RBFOX1: variants seen among roughly 807,000 people sequenced by gnomAD.
RBFOX1 encodes the protein RNA binding protein fox-1 homolog 1.
A neutral mutation model predicts 57.7 loss-of-function variants in RBFOX1; 8 were observed. That is an observed-to-expected ratio of 0.14 (90% confidence interval 0.08 to 0.25). RBFOX1 has a LOEUF of 0.25. Ranked by LOEUF, RBFOX1 falls within the 10% of genes least tolerant of loss-of-function variation. The probability of loss-of-function intolerance (pLI) is 1.00; values close to 1 mark genes in which losing one functional copy is unlikely to be tolerated. For synonymous variants in RBFOX1, 326 were observed against 222.4 expected (o/e 1.47, Z -4.15); for missense variants, 611 against 548.5 (o/e 1.11, Z -1.14).
At chr16:7,527,164 C>T (rs754387439) in intron 5 of RBFOX1, among the ~76,000 whole-genome samples, 6 of 152,172 alleles carry the variant, frequency 3.9e-5, no homozygotes, top group African/African-American at 1.2e-4. Flanking sequence ...AATACCAGTT[C>T]TATTTTCCTA....
At chr16:6,627,938 C>T (rs1029158576) in intron 2 of RBFOX1, among the ~76,000 whole-genome samples, 1 of 152,212 alleles carries the variant, frequency 6.6e-6, no homozygotes, top group Non-Finnish European at 1.5e-5. Context: ...TCAACTGTCT[C>T]CTGTTCAAGG....
At chr16:7,340,373 G>A (rs1426894807) in intron 4 of RBFOX1, among the ~76,000 whole-genome samples, 1 of 152,186 alleles carries the variant, frequency 6.6e-6, no homozygotes, top group East Asian at 1.9e-4. Context: ...ATATTTACTA[G>A]GTAGTTTTAT....
chr16:6,686,648 G>C (rs140608331), intron 3 of RBFOX1, among the ~76,000 whole-genome samples: 2 of 152,060 alleles, frequency 1.3e-5, no homozygotes, highest in Non-Finnish European at 2.9e-5. Context: ...ATCTCTCCTT[G>C]TCCTTTTGAG....
At chr16:5,333,586 C>A (rs182986012) in intron 1 of RBFOX1, among the ~76,000 whole-genome samples, 1 of 152,208 alleles carries the variant, frequency 6.6e-6, no homozygotes, top group African/African-American at 2.4e-5. Context: ...GAGCTTCTCT[C>A]CTGGAGGCAA....
chr16:6,591,448 T>C (rs1238215422), intron 2 of RBFOX1, among the ~76,000 whole-genome samples: 5 of 152,080 alleles, frequency 3.3e-5, no homozygotes, highest in Non-Finnish European at 7.4e-5. Context: ...AGTGAGACTC[T>C]GTCTCACAAA....
chr16:7,383,109 A>G (rs4627375), intron 4 of RBFOX1, among the ~76,000 whole-genome samples: 59,661 of 151,958 alleles, frequency 0.39, 12,930 homozygotes, highest in East Asian at 0.58. Context: ...TGATTCTAGC[A>G]GGTGTTCATG....
chr16:7,581,411 C>G (rs2093751959), intron 6 of RBFOX1, among the ~76,000 whole-genome samples: 1 of 152,094 alleles, frequency 6.6e-6, no homozygotes, highest in Non-Finnish European at 1.5e-5. Context: ...TTTGCCGTGT[C>G]AGGTTAGGAA....
chr16:7,292,732 C>A (rs1415481092), intron 4 of RBFOX1, among the ~76,000 whole-genome samples: 1 of 151,952 alleles, frequency 6.6e-6, no homozygotes, highest in South Asian at 2.1e-4. Context: ...CTTTTTCTTA[C>A]ATGTCACTCT....
intron 3 of RBFOX1, among the ~76,000 whole-genome samples, chr16:6,722,829 A>G (rs1257880063): frequency 1.3e-5 from 2 of 152,196 alleles, no homozygotes; most frequent in Non-Finnish European, 2.9e-5. Flanking sequence ...ATTGGCTGCA[A>G]TATTCATCAG....
At chr16:6,767,540 A>G (rs2077513157) in intron 3 of RBFOX1, among the ~76,000 whole-genome samples, 1 of 152,158 alleles carries the variant, frequency 6.6e-6, no homozygotes, top group African/African-American at 2.4e-5. Flanking sequence ...ACCCCCAAAA[A>G]AATTCTGATG....
At chr16:6,761,706 G>GTCTCTACT (rs1488702282) in intron 3 of RBFOX1, among the ~76,000 whole-genome samples, 23 of 151,174 alleles carry the variant, frequency 1.5e-4, no homozygotes, top group African/African-American at 5.6e-4. Flanking sequence ...GAGGTTTCAC[G>GTCTCTACT]AACTTGGCCA....
chr16:6,631,719 A>G (rs1442682320), intron 2 of RBFOX1, among the ~76,000 whole-genome samples: 1 of 152,180 alleles, frequency 6.6e-6, no homozygotes, highest in African/African-American at 2.4e-5. Flanking sequence ...GGCTGGGGGA[A>G]GAGCTCACTG....
At chr16:5,495,143 G>A (rs994484351) in intron 2 of RBFOX1, among the ~76,000 whole-genome samples, 2 of 152,220 alleles carry the variant, frequency 1.3e-5, no homozygotes, top group Non-Finnish European at 2.9e-5. Context: ...CATGGCAGAA[G>A]GCAAAGGGGA....
chr16:7,024,605 G>A (rs1333859854), intron 3 of RBFOX1, among the ~76,000 whole-genome samples: 7 of 152,080 alleles, frequency 4.6e-5, no homozygotes, highest in Non-Finnish European at 1.0e-4. Context: ...ATAACTGTGG[G>A]GTCGCCACTC....
At chr16:7,418,892 T>C in intron 4 of RBFOX1, among the ~76,000 whole-genome samples, 1 of 151,246 alleles carries the variant, frequency 6.6e-6, no homozygotes, top group Non-Finnish European at 1.5e-5. Context: ...TTTTTTTTTG[T>C]TGTTGTTTCT....
At chr16:7,400,519 G>C (rs973196953) in intron 4 of RBFOX1, among the ~76,000 whole-genome samples, 1 of 151,942 alleles carries the variant, frequency 6.6e-6, no homozygotes, top group Non-Finnish European at 1.5e-5. Context: ...TCTCCCTCCT[G>C]GTCCCTTACA....
At chr16:7,205,798 G>T (rs779182421) in intron 4 of RBFOX1, among the ~76,000 whole-genome samples, 1 of 152,234 alleles carries the variant, frequency 6.6e-6, no homozygotes, top group Non-Finnish European at 1.5e-5. Context: ...TTATCTGTAT[G>T]AGGTGAATTG....
At chr16:6,752,157 A>G (rs1603539981) in intron 3 of RBFOX1, among the ~76,000 whole-genome samples, 1 of 152,172 alleles carries the variant, frequency 6.6e-6, no homozygotes, top group African/African-American at 2.4e-5. Context: ...GTTTCAAAGT[A>G]CAGCCTTAGT....
chr16:6,452,848 C>T (rs546618458), intron 2 of RBFOX1, among the ~76,000 whole-genome samples: 5 of 152,022 alleles, frequency 3.3e-5, no homozygotes, highest in African/African-American at 9.7e-5. Flanking sequence ...TTATGCCTAC[C>T]CTAGGGGGGT....
Sources: gnomAD v4.1 joint callset for allele counts (sites outside exome capture counted in the v4.1 genomes callset) on GRCh38, gnomAD v4.1.1 for gene constraint, MANE v1.5 for transcripts, NCBI Gene and HGNC (gene_info 2026-07-23, HGNC 2026-07-21) for gene names.